Variants in DXO observed in about 807,000 individuals in gnomAD.
The protein encoded by DXO is decapping exoribonuclease, also known as decapping and exoribonuclease protein.
In DXO, 42 loss-of-function variants were observed where a neutral mutation model predicts 39.8. That is an observed-to-expected ratio of 1.06 (90% CI 0.83 to 1.37). DXO has a LOEUF of 1.37. Among genes scored for constraint, DXO ranks in the 40% most tolerant of loss-of-function variants. The pLI, the probability that DXO is intolerant of heterozygous loss-of-function variation, is 0.00. For missense variants in DXO, 495 were observed against 513.0 expected (o/e 0.96, Z 0.34); for synonymous variants, 193 against 200.4 (o/e 0.96, Z 0.31).
At position 31,969,900 on chromosome 6, in the gene DXO, G is replaced by C. The variant is rs192273589; in HGVS notation, c.1168C>G (p.Pro390Ala). ...EAMTQDLPSPPKTPSPK is the reference protein window; with the variant it reads ...EAMTQDLPSPAKTPSPK ...TACTATTTGGGAGAGGGAGTCTTGG[G>C]GGGTGATGGGAGGTCCTGAGTCATA... Residue 390 changes from proline to alanine, a missense_variant, in exon 7 of 7, where the codon CCC (proline) becomes GCC (alanine). Transcript: ENST00000337523. The surrounding 1 kb of genome is among the most constrained non-coding windows in gnomAD (Gnocchi z 6.1). The C allele has an allele frequency of 1.9e-6, 3 of 1,614,016 alleles. No homozygotes were observed. The highest frequency in any genetic ancestry group is 1.7e-5 in the Admixed American group (1 of 59,998).
Position 31,969,925 on chromosome 6 carries a change from A to G in DXO, c.1143T>C (p.Ala381=). The G allele has an allele frequency of 6.2e-7, 1 of 1,614,082 alleles. No homozygotes were observed. The highest frequency in any genetic ancestry group is 8.5e-7 in the Non-Finnish European group (1 of 1,180,020). The stretch of plus-strand genomic sequence containing the variant: ...GGGGTGATGGGAGGTCCTGAGTCAT[A>G]GCTTCCACATACCATATGGGCAGGA... The part of the protein sequence containing the change: ...YAFLPIWYVE[A]MTQDLPSPPK... The change falls in exon 7 of 7, where the codon GCT becomes GCC. Residue 381 remains alanine, a synonymous_variant. Coordinates refer to ENST00000337523, the MANE Select transcript of DXO (RefSeq NM_005510.4). This position sits in a 1 kb window ranked among gnomAD's most constrained non-coding sequence, Gnocchi z 6.1.
In DXO at chr6:31,970,018, A is replaced by G; in HGVS notation, c.1050T>C (p.Val350=). The change falls in exon 7 of 7, where the codon GTT becomes GTC. Residue 350 remains valine, a synonymous_variant. Transcript: ENST00000337523. This position sits in a 1 kb window ranked among gnomAD's most constrained non-coding sequence, Gnocchi z 4.0. Reference sequence around the variant, plus strand: ...CGCCAGGCTCCCAAGAGAAGAGATGAACGAGCCTGGGGGGCAGATGGAGGC... The same window carrying G: ...CGCCAGGCTCCCAAGAGAAGAGATGGACGAGCCTGGGGGGCAGATGGAGGC... ...STVVQDDPRL[V]HLFSWEPGGP... 6.2e-7 allele frequency: 1 copy of G among 1,613,964 alleles called. No homozygotes were observed. Among genetic ancestry groups the G allele is most frequent in the Non-Finnish European group, 8.5e-7 (1 of 1,180,000 alleles).
At position 31,972,103 on chromosome 6, in the gene DXO, C is replaced by T; in HGVS notation, c.-181G>A. ...GTGAGCTTCACGAAGGAGGTTGACA[C>T]CAACGTGGCCACCGGCGCCCCTCCA... On this transcript the variant is annotated 5_prime_UTR_variant, in exon 1 of 7. It adds an upstream start codon to the 5' untranslated region. Coordinates refer to ENST00000337523, the MANE Select transcript of DXO (RefSeq NM_005510.4). The surrounding 1 kb of genome is among the most constrained non-coding windows in gnomAD (Gnocchi z 6.3). The T allele has an allele frequency of 6.2e-7, 1 of 1,613,128 alleles. No individual in the cohort carries two copies. The highest frequency in any genetic ancestry group is 2.2e-5 in the East Asian group (1 of 44,874).
Position 31,971,154 on chromosome 6 carries a change from G to A in DXO, c.357-7C>T. 3.1e-6 allele frequency: 5 copies of A among 1,611,284 alleles called. No individual in the cohort carries two copies. The highest frequency in any genetic ancestry group is 4.2e-6 in the Non-Finnish European group (5 of 1,179,036). On this transcript the variant is annotated splice_polypyrimidine_tract_variant and splice_region_variant and intron_variant, in intron 2 of 6. Coordinates refer to ENST00000337523, the MANE Select transcript of DXO (RefSeq NM_005510.4). The surrounding 1 kb of genome is among the most constrained non-coding windows in gnomAD (Gnocchi z 4.5). The stretch of plus-strand genomic sequence containing the variant: ...TGCCAGCCAGCCTGGACCCCTGAGA[G>A]GCAGGAGTTACAGGCTGAAGGTCTG...
In DXO at chr6:31,971,936, C is replaced by A. The variant is rs1582205190; in HGVS notation, c.-14G>T. On this transcript the variant is annotated 5_prime_UTR_variant, in exon 1 of 7. Transcript: ENST00000337523. The surrounding 1 kb of genome is among the most constrained non-coding windows in gnomAD (Gnocchi z 4.5). ...GATCAAGAATCCAGTTACCTCAAAG[C>A]TCCCCAACTTCCACCTCCGCAGAGC... is the stretch of plus-strand genomic sequence containing the variant. The A allele has an allele frequency of 9.0e-6, 14 of 1,548,094 alleles. No homozygotes were observed. Among genetic ancestry groups the A allele is most frequent in the Non-Finnish European group, 1.1e-5 (13 of 1,144,282 alleles).
In DXO at chr6:31,970,393, C is replaced by G. The variant is rs1472925514; in HGVS notation, c.898G>C (p.Val300Leu). 11 of 1,613,962 alleles carry G rather than the reference C, an allele frequency of 6.8e-6. No individual in the cohort carries two copies. The highest frequency in any genetic ancestry group is 2.2e-5 in the East Asian group (1 of 44,900). The part of the protein sequence containing the change: ...VAGFRNPDGF[V>L]SSLKTFPTMK... ...GTAGGAAAGGTCTTGAGGGAAGAGA[C>G]AAAACCGTCTGGGTTACGGAAGCCA... Residue 300 changes from valine to leucine, a missense_variant, in exon 5 of 7, where the codon GTC becomes CTC. Physicochemically the swap from Val to Leu is conservative, Grantham distance 32. Coordinates refer to ENST00000337523, the MANE Select transcript of DXO (RefSeq NM_005510.4). This position sits in a 1 kb window ranked among gnomAD's most constrained non-coding sequence, Gnocchi z 4.0.
At position 31,970,170 on chromosome 6, in the gene DXO, T is replaced by G; in HGVS notation, c.982A>C (p.Met328Leu). 6.2e-7 allele frequency: 1 copy of G among 1,613,882 alleles called. No individual in the cohort carries two copies. The highest frequency in any genetic ancestry group is 1.3e-5 in the African/African-American group (1 of 74,938). ...CTAAGGAAGGCGGCACAGAAGTTCA[T>G]GCACACAGAGGGATTCCAGCCGTCA... ...DRDGWNPSVCMNFCAAFLSFA... is the reference protein window; with the variant it reads ...DRDGWNPSVCLNFCAAFLSFA... Residue 328 changes from methionine (M) to leucine (L), a missense_variant, in exon 6 of 7, where the codon ATG becomes CTG. Physicochemically the swap from Met to Leu is conservative, Grantham distance 15. Coordinates refer to ENST00000337523, the MANE Select transcript of DXO (RefSeq NM_005510.4). The surrounding 1 kb of genome is among the most constrained non-coding windows in gnomAD (Gnocchi z 4.0).
In DXO at chr6:31,970,351, A is replaced by G. The variant is rs1773153505; in HGVS notation, c.940T>C (p.Tyr314His). The change falls in exon 5 of 7, where the codon TAT (tyrosine) becomes CAT (histidine). Residue 314 changes from tyrosine to histidine, a missense_variant. By Grantham distance (83) the Tyr-to-His change is moderately conservative. Coordinates refer to ENST00000337523, the MANE Select transcript of DXO (RefSeq NM_005510.4). This position sits in a 1 kb window ranked among gnomAD's most constrained non-coding sequence, Gnocchi z 4.0. ...KTFPTMKMFE[Y>H]VRNDRDGWNP... ...CAACATCGTTCCCTTACCCTGACAT[A>G]TTCAAACATCTTCATGGTAGGAAAG... 4 of 1,614,016 alleles carry G rather than the reference A, an allele frequency of 2.5e-6. No individual in the cohort carries two copies. The highest frequency in any genetic ancestry group is 3.4e-6 in the Non-Finnish European group (4 of 1,179,970).
At position 31,971,585 on chromosome 6, in the gene DXO, T is replaced by C. The variant is rs372732739; in HGVS notation, c.91A>G (p.Thr31Ala). ...KLPRPAPSLP[T>A]DPALYSGPFP... ...GGCCCAGAGTAGAGGGCAGGGTCTGTGGGCAGAGAAGGTGCTGGACGAGGT... is the reference window on the plus strand; with the variant it reads ...GGCCCAGAGTAGAGGGCAGGGTCTGCGGGCAGAGAAGGTGCTGGACGAGGT... Residue 31 changes from threonine to alanine, a missense_variant, in exon 2 of 7, where the codon ACA becomes GCA. Physicochemically the swap from Thr to Ala is moderately conservative, Grantham distance 58 (BLOSUM62 0). Transcript: ENST00000337523. The surrounding 1 kb of genome is among the most constrained non-coding windows in gnomAD (Gnocchi z 4.5). 4 of 1,613,866 alleles carry C rather than the reference T, an allele frequency of 2.5e-6. No individual in the cohort carries two copies. In the African/African-American group the frequency reaches 4.0e-5, roughly 16 times the overall value.
chr6:31,970,630 G>A lies in DXO; in HGVS notation c.788C>T (p.Pro263Leu), dbSNP rs1183648345. 1.9e-6 allele frequency: 3 copies of A among 1,613,206 alleles called. No individual in the cohort carries two copies. Among genetic ancestry groups the A allele is most frequent in the Non-Finnish European group, 2.5e-6 (3 of 1,180,028 alleles). ...ELKTSKEMHSPGQWRSFYRHK... is the reference protein window; with the variant it reads ...ELKTSKEMHSLGQWRSFYRHK... ...CCTGTAGAAACTCCTCCATTGGCCA[G>A]GGCTGTGCATCTCCTTGGAGGTCTT... Residue 263 changes from proline (P) to leucine (L), a missense_variant, in exon 4 of 7, where the codon CCT (proline) becomes CTT (leucine). Physicochemically the swap from Pro to Leu is moderately conservative, Grantham distance 98. Transcript: ENST00000337523. This position sits in a 1 kb window ranked among gnomAD's most constrained non-coding sequence, Gnocchi z 4.0.
Position 31,970,411 on chromosome 6 carries a change from G to C in DXO, c.880C>G (p.Arg294Gly), listed in dbSNP as rs45534831. 6.2e-7 allele frequency: 1 copy of C among 1,614,072 alleles called. No homozygotes were observed. Residue 294 changes from arginine to glycine, a missense_variant, in exon 5 of 7, where the codon CGT becomes GGT. By Grantham distance (125) the Arg-to-Gly change is moderately radical. Transcript: ENST00000337523. The surrounding 1 kb of genome is among the most constrained non-coding windows in gnomAD (Gnocchi z 4.0). ...GAAGAGACAAAACCGTCTGGGTTAC[G>C]GAAGCCAGCAACAACATTCGGGACC... ...PGVPNVVAGF[R>G]NPDGFVSSLK...
rs1289105243 is a variant in DXO, at chr6:31,971,198, T to C, written c.357-51A>G. The C allele has an allele frequency of 3.1e-6, 5 of 1,589,286 alleles. No individual in the cohort carries two copies. In the African/African-American group the frequency reaches 4.0e-5, roughly 13 times the overall value. On this transcript the variant is annotated intron_variant, in intron 2 of 6. Transcript: ENST00000337523. This position sits in a 1 kb window ranked among gnomAD's most constrained non-coding sequence, Gnocchi z 4.5. ...AGGTCTGACACAAGCATTAGTGAGA[T>C]GCTCCCCTCGAAGAATAGTCTTGTT...
At position 31,971,681 on chromosome 6, in the gene DXO, C is replaced by T; in HGVS notation, c.-6G>A. 2.5e-6 allele frequency: 4 copies of T among 1,599,298 alleles called. No homozygotes were observed. Among genetic ancestry groups the T allele is most frequent in the Non-Finnish European group, 2.5e-6 (3 of 1,176,978 alleles). On this transcript the variant is annotated splice_region_variant and 5_prime_UTR_variant, in exon 2 of 7. Transcript: ENST00000337523. This position sits in a 1 kb window ranked among gnomAD's most constrained non-coding sequence, Gnocchi z 4.5. ...TTGGTCCCCCTGGGATCCATGAGGT[C>T]CTAAGACAAGCAGGGGTACAGAGTT... is the stretch of plus-strand genomic sequence containing the variant.
At position 31,970,367 on chromosome 6, in the gene DXO, G is replaced by T. The variant is rs758657092; in HGVS notation, c.924C>A (p.Thr308=). ...CCCTGACATATTCAAACATCTTCAT[G>T]GTAGGAAAGGTCTTGAGGGAAGAGA... ...GFVSSLKTFP[T]MKMFEYVRND... The change falls in exon 5 of 7, where the codon ACC becomes ACA. Residue 308 remains threonine, a synonymous_variant. Transcript: ENST00000337523. This position sits in a 1 kb window ranked among gnomAD's most constrained non-coding sequence, Gnocchi z 4.0. The T allele has an allele frequency of 6.2e-7, 1 of 1,614,086 alleles. No homozygotes were observed. The highest frequency in any genetic ancestry group is 8.5e-7 in the Non-Finnish European group (1 of 1,180,002).
rs1428524229 is a variant in DXO, at chr6:31,970,972, G to T, written c.532C>A (p.Pro178Thr). Residue 178 changes from proline (P) to threonine (T), a missense_variant, in exon 3 of 7, where the codon CCA (proline) becomes ACA (threonine). Pro to Thr is a conservative substitution (Grantham distance 38). Transcript: ENST00000337523. The surrounding 1 kb of genome is among the most constrained non-coding windows in gnomAD (Gnocchi z 4.0). ...TACATAAGCTCCCGGAGGAGCGGTG[G>T]CCGAGCAAGCCTCTGGGCCCGAGCG... is the stretch of plus-strand genomic sequence containing the variant. ...PNARAQRLARPPLLRELMYMG... is the reference protein window; with the variant it reads ...PNARAQRLARTPLLRELMYMG... The T allele has an allele frequency of 1.5e-5, 24 of 1,612,902 alleles. No homozygotes were observed. The highest frequency in any genetic ancestry group is 1.6e-4 in the Middle Eastern group (1 of 6,084).
At position 31,970,664 on chromosome 6, in the gene DXO, C is replaced by T. The variant is rs749759696; in HGVS notation, c.754G>A (p.Val252Met). ...APSTQPPTCYVELKTSKEMHS... is the reference protein window; with the variant it reads ...APSTQPPTCYMELKTSKEMHS... ...ATCTCCTTGGAGGTCTTGAGCTCCA[C>T]ATAGCAGGTTGGGGGCTGTGTGGAT... The change falls in exon 4 of 7, where the codon GTG becomes ATG. Residue 252 changes from valine (V) to methionine (M), a missense_variant. Physicochemically the swap from Val to Met is conservative, Grantham distance 21. Coordinates refer to ENST00000337523, the MANE Select transcript of DXO (RefSeq NM_005510.4). The surrounding 1 kb of genome is among the most constrained non-coding windows in gnomAD (Gnocchi z 4.0). The T allele has an allele frequency of 3.1e-6, 5 of 1,612,968 alleles. No individual in the cohort carries two copies. Among genetic ancestry groups the T allele is most frequent in the Non-Finnish European group, 3.4e-6 (4 of 1,180,026 alleles).
chr6:31,971,023 A>T lies in DXO; in HGVS notation c.481T>A (p.Tyr161Asn). The T allele has an allele frequency of 1.2e-6, 2 of 1,612,968 alleles. No homozygotes were observed. Among genetic ancestry groups the T allele is most frequent in the Non-Finnish European group, 1.7e-6 (2 of 1,179,996 alleles). The change falls in exon 3 of 7, where the codon TAC becomes AAC. Residue 161 changes from tyrosine to asparagine, a missense_variant. Coordinates refer to ENST00000337523, the MANE Select transcript of DXO (RefSeq NM_005510.4). This position sits in a 1 kb window ranked among gnomAD's most constrained non-coding sequence, Gnocchi z 4.5. Reference protein sequence around the residue: ...LAASRFQGTLYLSEVETPNAR... With the variant: ...LAASRFQGTLNLSEVETPNAR... ...TTCGGTGTCTCCACTTCACTCAGGT[A>T]TAGTGTTCCCTGGAACCGGGAGGCT...
Position 31,970,925 on chromosome 6 carries a change from C to T in DXO, c.579G>A (p.Gln193=), listed in dbSNP as rs1374985538. ...ELMYMGYKFE[Q]YMCADKPGSS... is the part of the protein sequence containing the mutation. ...GGGGCAACTCACCTGCACACATGTA[C>T]TGCTCAAATTTGTATCCCATGTACA... Residue 193 remains glutamine, a synonymous_variant, in exon 3 of 7, where the codon CAG becomes CAA. Coordinates refer to ENST00000337523, the MANE Select transcript of DXO (RefSeq NM_005510.4). This position sits in a 1 kb window ranked among gnomAD's most constrained non-coding sequence, Gnocchi z 4.0. 2 of 1,612,508 alleles carry T rather than the reference C, an allele frequency of 1.2e-6. No individual in the cohort carries two copies. The highest frequency in any genetic ancestry group is 1.7e-6 in the Non-Finnish European group (2 of 1,179,630).
chr6:31,971,486 C>CATCT lies in DXO; in HGVS notation c.186_189dup (p.Ala64ArgfsTer9), dbSNP rs1773320651. ...GGGCTATAGTAGCGCAGGGCTCGGGCATCTCCATGGTACTGGCGTTGAGCA... is the reference window on the plus strand; with the variant it reads ...GGGCTATAGTAGCGCAGGGCTCGGGCATCTATCTCCATGGTACTGGCGTTGAGCA... On this transcript the variant is annotated frameshift_variant, in exon 2 of 7. Coordinates refer to ENST00000337523, the MANE Select transcript of DXO (RefSeq NM_005510.4). LOFTEE classifies it high-confidence loss of function. This position sits in a 1 kb window ranked among gnomAD's most constrained non-coding sequence, Gnocchi z 4.5. 1 of 1,614,132 alleles carries CATCT rather than the reference C, an allele frequency of 6.2e-7. No individual in the cohort carries two copies. The highest frequency in any genetic ancestry group is 8.5e-7 in the Non-Finnish European group (1 of 1,180,024).
Sources: gnomAD v4.1 joint callset for allele counts on GRCh38, gnomAD v4.1.1 for gene constraint, Gnocchi (gnomAD v3.1) non-coding constraint, MANE v1.5 for transcripts, NCBI Gene and HGNC (gene_info 2026-07-23, HGNC 2026-07-21) for gene names.